The following METTL25 variants were observed in gnomAD, a reference collection of about 807,000 sequenced individuals.
METTL25 encodes the protein probable methyltransferase-like protein 25.
A neutral mutation model predicts 71.6 loss-of-function variants in METTL25; 64 were observed. The ratio of observed to expected loss-of-function variants is 0.89; its 90% CI spans 0.73 to 1.10. The LOEUF (loss-of-function observed/expected upper bound fraction) is 1.10. Ranked by LOEUF, METTL25 falls within the 50% of genes least tolerant of loss-of-function variation. METTL25 has a pLI of 0.00. For synonymous variants in METTL25, 287 were observed against 250.3 expected (o/e 1.15, Z -1.38); for missense variants, 807 against 707.0 (o/e 1.14, Z -1.60).
chr12:82,475,147 A>T (rs1892810580), intron 9 of METTL25, among the ~76,000 whole-genome samples: 1 of 152,218 alleles, frequency 6.6e-6, no homozygotes, highest in South Asian at 2.1e-4. Context: ...GGAGCAAGAT[A>T]GGAAAGATTA....
At chr12:82,390,713 G>A (rs191444205) in intron 3 of METTL25, among the ~76,000 whole-genome samples, 1 of 152,126 alleles carries the variant, frequency 6.6e-6, no homozygotes, top group Admixed American at 6.6e-5. Context: ...GATCTCTAGG[G>A]TGGGTATAGA....
chr12:82,386,885 C>G lies in METTL25; in HGVS notation c.342C>G (p.Tyr114Ter), dbSNP rs1334248051. 1.2e-6 allele frequency: 2 copies of G among 1,613,296 alleles called. No individual in the cohort carries two copies. Among genetic ancestry groups the G allele is most frequent in the Non-Finnish European group, 8.5e-7 (1 of 1,179,592 alleles). The change falls in exon 2 of 12, where the codon TAC (tyrosine) becomes TAG (stop). Residue 114 changes from tyrosine to a stop codon, truncating the protein, a stop_gained. Transcript: ENST00000248306. LOFTEE classifies it high-confidence loss of function. ...AAGCCTTTGCTCTGGCTGCGAAATA[C>G]TATTCTGTACAAAACTTGGGAATAT... ...SVEAFALAAK[Y>*]YSVQNLGICT... is the part of the protein sequence containing the mutation.
intron 1 of METTL25, among the ~76,000 whole-genome samples, chr12:82,361,469 G>C (rs547651002): frequency 3.9e-5 from 6 of 152,266 alleles, no homozygotes; most frequent in Non-Finnish European, 7.4e-5. Context: ...AGCAGGAGGC[G>C]GTGCTCGTTG....
chr12:82,382,182 A>G (rs926432719), intron 1 of METTL25, among the ~76,000 whole-genome samples: 1 of 152,196 alleles, frequency 6.6e-6, no homozygotes, highest in Non-Finnish European at 1.5e-5. Flanking sequence ...TCTGTAGGAC[A>G]TTTATGCAGG....
chr12:82,400,485 G>A (rs1886514608), intron 4 of METTL25, among the ~76,000 whole-genome samples: 1 of 151,622 alleles, frequency 6.6e-6, no homozygotes, highest in Non-Finnish European at 1.5e-5. Context: ...TGGATTTAAG[G>A]GAATCTAGTG....
chr12:82,439,330 G>A (rs73153551), intron 8 of METTL25, among the ~76,000 whole-genome samples: 9,389 of 151,594 alleles, frequency 0.062, 341 homozygotes, highest in Middle Eastern at 0.11. Context: ...CAAGGGGTAG[G>A]ATAATTTTTT....
intron 8 of METTL25, among the ~76,000 whole-genome samples, chr12:82,449,307 C>T (rs116307651): frequency 2.6e-5 from 4 of 152,138 alleles, no homozygotes; most frequent in Admixed American, 6.5e-5. Flanking sequence ...CAAACCTAAA[C>T]TATTATTGTG....
intron 5 of METTL25, among the ~76,000 whole-genome samples, chr12:82,425,642 A>G (rs7313975): frequency 0.92 from 139,893 of 152,104 alleles, 64,708 homozygotes; most frequent in East Asian, 1. Flanking sequence ...TAGAAAGATA[A>G]TATTGCTCTT....
intron 5 of METTL25, among the ~76,000 whole-genome samples, chr12:82,407,652 GA>G (rs1398730798): frequency 6.6e-6 from 1 of 152,094 alleles, no homozygotes; most frequent in East Asian, 1.9e-4. Flanking sequence ...TAAGCAGGAG[GA>G]AACAGGACTG....
At chr12:82,405,927 G>T (rs1236559148) in intron 5 of METTL25, among the ~76,000 whole-genome samples, 1 of 152,146 alleles carries the variant, frequency 6.6e-6, no homozygotes, top group Non-Finnish European at 1.5e-5. Flanking sequence ...CTGTTTTCCT[G>T]CCTTGGCAGC....
At chr12:82,362,074 T>G (rs532253922) in intron 1 of METTL25, among the ~76,000 whole-genome samples, 37 of 152,338 alleles carry the variant, frequency 2.4e-4, no homozygotes, top group African/African-American at 7.5e-4. Context: ...GGCACAATCA[T>G]TTGGTGTTTT....
chr12:82,461,531 A>C (rs557888363), intron 9 of METTL25, among the ~76,000 whole-genome samples: 3 of 149,308 alleles, frequency 2.0e-5, no homozygotes, highest in African/African-American at 7.7e-5. Context: ...TCATACTTAT[A>C]TAACTTATTA....
chr12:82,418,269 T>C (rs1478212193), intron 5 of METTL25, among the ~76,000 whole-genome samples: 1 of 152,016 alleles, frequency 6.6e-6, no homozygotes, highest in Non-Finnish European at 1.5e-5. Context: ...GAGATGAGAG[T>C]TGTTCAGTTT....
intron 1 of METTL25, among the ~76,000 whole-genome samples, chr12:82,364,321 G>A (rs1312283978): frequency 1.3e-5 from 2 of 152,234 alleles, no homozygotes; most frequent in Non-Finnish European, 2.9e-5. Context: ...CATTCACGGA[G>A]GTGGCTAGTT....
chr12:82,458,328 A>G (rs1891634557), intron 9 of METTL25, among the ~76,000 whole-genome samples: 1 of 152,152 alleles, frequency 6.6e-6, no homozygotes, highest in South Asian at 2.1e-4. Context: ...AGTCTTAGCA[A>G]GTAAAAGCTA....
intron 5 of METTL25, among the ~76,000 whole-genome samples, chr12:82,426,797 C>G (rs1292470576): frequency 6.6e-6 from 1 of 151,944 alleles, no homozygotes; most frequent in Admixed American, 6.6e-5. Flanking sequence ...TCCTGTGTTT[C>G]TCTGCCCATA....
At chr12:82,359,813 A>G (rs1881575782) in intron 1 of METTL25, among the ~76,000 whole-genome samples, 1 of 152,188 alleles carries the variant, frequency 6.6e-6, no homozygotes, top group Non-Finnish European at 1.5e-5. Flanking sequence ...AGACTTCCCA[A>G]AGTTACCCTT....
chr12:82,400,252 A>G lies in METTL25; in HGVS notation c.1131+858A>G, dbSNP rs184023815. Among the ~76,000 whole-genome samples, 612 of 152,110 alleles carry G rather than the reference A, an allele frequency of 4.0e-3. 8 individuals are homozygous for G. Among genetic ancestry groups the G allele is most frequent in the Admixed American group, 5.2e-3 (79 of 15,280 alleles). On this transcript the variant is annotated intron_variant, in intron 4 of 11. Transcript: ENST00000248306. ...GAGGCTGAGGCAGGAGAATGGCATG[A>G]ACCCTGGAGGTGGAGCTTGCAGTGA...
Position 82,428,068 on chromosome 12 carries a change from G to A in METTL25, c.1280-2825G>A, listed in dbSNP as rs117758715. On this transcript the variant is annotated intron_variant, in intron 5 of 11. Coordinates refer to ENST00000248306, the MANE Select transcript of METTL25 (RefSeq NM_032230.3). ...GCATGGTCTTAGTTTGCTTGGTACC[G>A]TGAACACATTCCAGACAGAAAAGAA... Among the ~76,000 whole-genome samples, 220 of 151,954 alleles carry A rather than the reference G, an allele frequency of 1.4e-3. 1 individual carries two copies. In the East Asian group the frequency reaches 0.018, roughly 13 times the overall value.
Sources: allele counts gnomAD v4.1 joint callset (sites outside exome capture counted in the v4.1 genomes callset), GRCh38; gene constraint gnomAD v4.1.1; transcripts MANE v1.5; gene names NCBI Gene and HGNC (gene_info 2026-07-23, HGNC 2026-07-21).